The following FBXO34 variants were observed in gnomAD, a reference collection of about 807,000 sequenced individuals.
The protein encoded by FBXO34 is F-box only protein 34.
FBXO34 carries 12 observed loss-of-function variants against 24.5 expected under a neutral mutation model. The ratio of observed to expected loss-of-function variants is 0.49; its 90% CI spans 0.31 to 0.79. FBXO34 has a LOEUF of 0.79. Ranked by LOEUF, FBXO34 falls within the 30% of genes least tolerant of loss-of-function variation. The probability of loss-of-function intolerance (pLI) is 0.04; values close to 1 mark genes in which losing one functional copy is unlikely to be tolerated. For missense variants in FBXO34, 823 were observed against 857.7 expected, an observed-to-expected ratio of 0.96 and a Z score of 0.51; for synonymous variants, 320 against 311.9, an observed-to-expected ratio of 1.03 and a Z score of -0.27.
At chr14:55,372,494 C>A (rs977539731), downstream of FBXO34, among the ~76,000 whole-genome samples, 7 of 152,112 alleles carry the variant, frequency 4.6e-5, no homozygotes, top group African/African-American at 1.4e-4. Context: ...TCCCCAGGAT[C>A]CCCCAAAGGT....
At chr14:55,310,035 GT>G (rs1268912016) in intron 1 of FBXO34, among the ~76,000 whole-genome samples, 1 of 126,022 alleles carries the variant, frequency 7.9e-6, no homozygotes, top group Non-Finnish European at 1.8e-5. Context: ...CCCTGAAATA[GT>G]TTGGAAAACT....
chr14:55,423,842 C>A, the FBXO34 span, among the ~76,000 whole-genome samples: 1 of 152,118 alleles, frequency 6.6e-6, no homozygotes, highest in Non-Finnish European at 1.5e-5. Context: ...TGTGTTAGGA[C>A]CTTGTGTGGC....
chr14:55,411,924 G>A, the FBXO34 span: 1 of 1,128,000 alleles, frequency 8.9e-7, no homozygotes, highest in Non-Finnish European at 1.2e-6. Flanking sequence ...GGATGCCGGC[G>A]AGCCCCCGGA....
At chr14:55,338,048 C>CTTCTTTTTTTTTTTTTT (rs1883846252) in intron 1 of FBXO34, among the ~76,000 whole-genome samples, 3 of 88,266 alleles carry the variant, frequency 3.4e-5, no homozygotes, top group Admixed American at 3.0e-4. Flanking sequence ...GTATGTACTT[C>CTTCTTTTTTTTTTTTTT]TTTTTTTTTT....
At chr14:55,424,082 A>T in the FBXO34 span, 1 of 994,288 alleles carries the variant, frequency 1.0e-6, no homozygotes. Context: ...ATGGTGAACA[A>T]AGGTATTTAA....
chr14:55,306,984 A>G (rs1882570836), intron 1 of FBXO34, among the ~76,000 whole-genome samples: 1 of 152,216 alleles, frequency 6.6e-6, no homozygotes, highest in Admixed American at 6.5e-5. Flanking sequence ...TTTTTCCTAT[A>G]TCCTATTAGC....
chr14:55,303,421 T>C (rs75231676), intron 1 of FBXO34, among the ~76,000 whole-genome samples: 4,362 of 152,268 alleles, frequency 0.029, 219 homozygotes, highest in African/African-American at 0.096. Context: ...ATCCAGGCTT[T>C]ATAGGACTTA....
chr14:55,434,986 C>A, the FBXO34 span, among the ~76,000 whole-genome samples: 1 of 151,974 alleles, frequency 6.6e-6, no homozygotes, highest in Non-Finnish European at 1.5e-5. Context: ...TTGACAAACC[C>A]AATTACCCTA....
the FBXO34 span, among the ~76,000 whole-genome samples, chr14:55,393,916 TA>T: frequency 1.3e-5 from 2 of 152,132 alleles, no homozygotes; most frequent in South Asian, 4.1e-4. Flanking sequence ...CCTAGTTTAT[TA>T]TTTTTTTCCA....
chr14:55,300,543 T>C (rs1002159285), intron 1 of FBXO34, among the ~76,000 whole-genome samples: 2 of 152,202 alleles, frequency 1.3e-5, no homozygotes, highest in African/African-American at 4.8e-5. Context: ...TGCAGTGAGC[T>C]GAGATTGTGA....
chr14:55,379,384 A>C, the FBXO34 span, among the ~76,000 whole-genome samples: 1 of 150,924 alleles, frequency 6.6e-6, no homozygotes, highest in Non-Finnish European at 1.5e-5. Context: ...AAAAAAATAC[A>C]AAAAAAAATT....
chr14:55,351,710 G>A lies in FBXO34; in HGVS notation c.1320G>A (p.Val440=), dbSNP rs140786941. The A allele has an allele frequency of 9.3e-6, 15 of 1,614,222 alleles. No individual in the cohort carries two copies. In the African/African-American group the frequency reaches 1.6e-4, roughly 17 times the overall value. Residue 440 remains valine (V), a synonymous_variant, in exon 2 of 2, where the codon GTG becomes GTA. Coordinates refer to ENST00000313833, the MANE Select transcript of FBXO34 (RefSeq NM_017943.4). ...DAVDCMSREL[V]SLTSRNPDQR... is the part of the protein sequence containing the mutation. ...TTGATTGTATGAGCAGAGAGCTTGT[G>A]TCCCTTACTAGCCGAAATCCTGATC...
chr14:55,436,771 C>G, the FBXO34 span: 1 of 1,614,190 alleles, frequency 6.2e-7, no homozygotes, highest in Admixed American at 1.7e-5. Context: ...TGATGGCAAC[C>G]TACTTTGTGG....
In FBXO34 at chr14:55,323,248, T is replaced by TTTTA. The variant is rs1480368099; in HGVS notation, c.-10-27133_-10-27132insTTTA. Among the ~76,000 whole-genome samples the TTTTA allele has an allele frequency of 2.2e-4, 19 of 87,778 alleles. 3 individuals carry two copies. The highest frequency in any genetic ancestry group is 1.3e-3 in the African/African-American group (18 of 13,362). The allele number at this position is 87,778 out of a possible 152,430, so 57.6% of individuals were successfully genotyped here. The stretch of plus-strand genomic sequence containing the variant: ...ATATTTTTTTTTTTTTTTTTTTTTT[T>TTTTA]AGAGACAGAGTCTCACTTATGTTGC... On this transcript the variant is annotated intron_variant, in intron 1 of 1. Coordinates refer to ENST00000313833, the MANE Select transcript of FBXO34 (RefSeq NM_017943.4).
the FBXO34 span, among the ~76,000 whole-genome samples, chr14:55,380,237 G>C: frequency 1.3e-5 from 2 of 149,032 alleles, no homozygotes; most frequent in African/African-American, 4.9e-5. Context: ...GACAGAGCGA[G>C]ACTCTGTCTC....
At chr14:55,360,273 A>T (rs960063600) in intron 3 of FBXO34, among the ~76,000 whole-genome samples, 1 of 151,896 alleles carries the variant, frequency 6.6e-6, no homozygotes, top group African/African-American at 2.4e-5. Context: ...GGGTTTTACC[A>T]TGTTGGCCAG....
intron 1 of FBXO34, among the ~76,000 whole-genome samples, chr14:55,303,389 A>G (rs907097641): frequency 5.3e-5 from 8 of 152,182 alleles, no homozygotes; most frequent in Non-Finnish European, 7.3e-5. Flanking sequence ...TAGAACTAAG[A>G]TGTAGCTTCT....
Position 55,353,274 on chromosome 14 carries a change from G to T in FBXO34, c.*748G>T, listed in dbSNP as rs866537637. 40 of 132,224 alleles carry T rather than the reference G, an allele frequency of 3.0e-4. No individual in the cohort carries two copies. The highest frequency in any genetic ancestry group is 3.8e-3 in the Middle Eastern group (1 of 262). 8.2% of individuals were successfully genotyped at this position (132,224 alleles called of 1,614,324 possible). Reference sequence around the variant, plus strand: ...AGGATAGTGTTGCGGCTATAATTTTGTGTTTTTTTTTTTTAATTGTCTAGT... The same window carrying T: ...AGGATAGTGTTGCGGCTATAATTTTTTGTTTTTTTTTTTTAATTGTCTAGT... On this transcript the variant is annotated 3_prime_UTR_variant, in exon 2 of 2. Transcript: ENST00000313833.
chr14:55,280,676 G>A (rs899674159), intron 1 of FBXO34, among the ~76,000 whole-genome samples: 12 of 151,868 alleles, frequency 7.9e-5, no homozygotes, highest in East Asian at 3.9e-4. Flanking sequence ...ACAGGTGCCC[G>A]CCACCTCGCC....
Sources: gnomAD v4.1 joint callset for allele counts (sites outside exome capture counted in the v4.1 genomes callset) on GRCh38, gnomAD v4.1.1 for gene constraint, MANE v1.5 for transcripts, NCBI Gene and HGNC (gene_info 2026-07-23, HGNC 2026-07-21) for gene names.